The following RHBDL3 variants were observed in gnomAD, a reference collection of about 807,000 sequenced individuals.
The protein encoded by RHBDL3 is rhomboid-related protein 3.
A neutral mutation model predicts 48.2 loss-of-function variants in RHBDL3; 28 were observed. The ratio of observed to expected loss-of-function variants is 0.58; its 90% CI spans 0.43 to 0.80. RHBDL3 has a LOEUF of 0.80. Among genes scored for constraint, RHBDL3 ranks in the 30% least tolerant of loss-of-function variants. The pLI is 0.00. For synonymous variants in RHBDL3, 208 were observed against 232.3 expected, an observed-to-expected ratio of 0.90 and a Z score of 0.95; for missense variants, 464 against 542.7, an observed-to-expected ratio of 0.85 and a Z score of 1.44.
At chr17:32,285,027 G>C (rs1275710991) in intron 3 of RHBDL3, among the ~76,000 whole-genome samples, 1 of 152,164 alleles carries the variant, frequency 6.6e-6, no homozygotes, top group African/African-American at 2.4e-5. Context: ...CCTCAAGGCA[G>C]CACCTGGCAA....
At chr17:32,284,463 G>A in intron 2 of RHBDL3, 196 bp from the exon 3 acceptor site, 1 of 547,958 alleles carries the variant, frequency 1.8e-6, no homozygotes, top group Non-Finnish European at 3.2e-6. Context: ...GGGTGATCCT[G>A]AAGGTCTGCA....
chr17:32,291,903 C>T (rs2040340016), intron 4 of RHBDL3, among the ~76,000 whole-genome samples: 1 of 151,370 alleles, frequency 6.6e-6, no homozygotes, highest in South Asian at 2.1e-4. Flanking sequence ...TCCTGAGTAG[C>T]TGGGGTTACA....
intron 2 of RHBDL3, among the ~76,000 whole-genome samples, chr17:32,274,403 C>G (rs2039846530): frequency 6.6e-6 from 1 of 152,210 alleles, no homozygotes; most frequent in Non-Finnish European, 1.5e-5. Flanking sequence ...GCCCCCATCA[C>G]CATTCCCCAG....
At chr17:32,310,170 C>T (rs1430562502) in intron 7 of RHBDL3, among the ~76,000 whole-genome samples, 1 of 152,210 alleles carries the variant, frequency 6.6e-6, no homozygotes, top group East Asian at 1.9e-4. Context: ...ACACTTCGCT[C>T]TGTATGATTG....
chr17:32,278,851 G>T (rs2039974952), intron 2 of RHBDL3, among the ~76,000 whole-genome samples: 1 of 152,188 alleles, frequency 6.6e-6, no homozygotes, highest in Non-Finnish European at 1.5e-5. Context: ...TCAAGGCTGG[G>T]CAGGGTGGCT....
chr17:32,284,358 T>C, intron 2 of RHBDL3: 1 of 303,298 alleles, frequency 3.3e-6, no homozygotes, highest in Non-Finnish European at 6.2e-6. Flanking sequence ...CCTGCACTCA[T>C]TGCCTTTTCA....
chr17:32,303,772 TGGA>T (rs942740386), intron 6 of RHBDL3, among the ~76,000 whole-genome samples: 4 of 150,818 alleles, frequency 2.7e-5, no homozygotes, highest in Non-Finnish European at 5.9e-5. Context: ...GCAGGGGAGG[TGGA>T]GGAGTTTATC....
chr17:32,302,562 G>C (rs1450117891), intron 6 of RHBDL3, among the ~76,000 whole-genome samples: 1 of 149,370 alleles, frequency 6.7e-6, no homozygotes, highest in Non-Finnish European at 1.5e-5. Flanking sequence ...TTTTTTTTTA[G>C]TAGCAATGGG....
chr17:32,282,496 G>A (rs2040076212), intron 2 of RHBDL3, among the ~76,000 whole-genome samples: 3 of 152,218 alleles, frequency 2.0e-5, no homozygotes, highest in African/African-American at 4.8e-5. Flanking sequence ...AGCCCAGGAG[G>A]TCGAGGCTTC....
At chr17:32,279,157 G>A in intron 2 of RHBDL3, among the ~76,000 whole-genome samples, 1 of 152,130 alleles carries the variant, frequency 6.6e-6, no homozygotes, top group East Asian at 1.9e-4. Flanking sequence ...TAATTAATAT[G>A]CTTGGACAAC....
rs2040683982 is a variant in RHBDL3 at position 32,305,365 on chromosome 17, A to G, written c.806A>G (p.Asp269Gly). 9 of 1,613,596 alleles carry G rather than the reference A, an allele frequency of 5.6e-6. No individual in the cohort carries two copies. In the South Asian group the frequency reaches 7.7e-5, roughly 14 times the overall value. The change falls in exon 7 of 9, where the codon GAC becomes GGC. Residue 269 changes from aspartate to glycine, a missense_variant. Coordinates refer to ENST00000269051, the MANE Select transcript of RHBDL3 (RefSeq NM_138328.3). ...GGGTCCTTGGCAGTGTCTGTGGCTGACATGACCGCTCCAGTCGTGGGCTCT... is the reference window on the plus strand; with the variant it reads ...GGGTCCTTGGCAGTGTCTGTGGCTGGCATGACCGCTCCAGTCGTGGGCTCT... Reference protein sequence around the residue: ...VAGSLAVSVADMTAPVVGSSG... With the variant: ...VAGSLAVSVAGMTAPVVGSSG...
At chr17:32,292,888 GCTTGAGCC>G (rs1432417816) in intron 4 of RHBDL3, among the ~76,000 whole-genome samples, 2 of 150,764 alleles carry the variant, frequency 1.3e-5, no homozygotes, top group Admixed American at 6.6e-5. Context: ...CAGGAAGATC[GCTTGAGCC>G]CAGGAGTTCA....
chr17:32,287,624 C>A, intron 3 of RHBDL3, among the ~76,000 whole-genome samples: 1 of 152,172 alleles, frequency 6.6e-6, no homozygotes, highest in East Asian at 1.9e-4. Context: ...AGCCATCTGC[C>A]CTCTGACAGG....
intron 4 of RHBDL3, among the ~76,000 whole-genome samples, chr17:32,292,178 C>A (rs1476873955): frequency 6.6e-6 from 1 of 152,050 alleles, no homozygotes; most frequent in African/African-American, 2.4e-5. Context: ...AGTTAAATAC[C>A]CTTTTAGAGA....
intron 6 of RHBDL3, among the ~76,000 whole-genome samples, chr17:32,298,775 G>T (rs574493500): frequency 2.6e-4 from 39 of 152,336 alleles, no homozygotes; most frequent in African/African-American, 9.1e-4. Context: ...TGCTGACAGG[G>T]AGTCTGACCT....
chr17:32,321,065 A>G lies in RHBDL3; in HGVS notation c.1051A>G (p.Ile351Val). The G allele has an allele frequency of 1.2e-6, 2 of 1,614,226 alleles. No homozygotes were observed. Among genetic ancestry groups the G allele is most frequent in the African/African-American group, 1.3e-5 (1 of 75,062 alleles). ...VAHLGGVAVG[I>V]TLGVVVLRNY... ...GCACTTGGGTGGCGTGGCCGTGGGC[A>G]TCACCCTGGGCGTGGTGGTCCTGAG... The change falls in exon 9 of 9, where the codon ATC (isoleucine) becomes GTC (valine). Residue 351 changes from isoleucine to valine, a missense_variant. Physicochemically the swap from Ile to Val is conservative, Grantham distance 29. Coordinates refer to ENST00000269051, the MANE Select transcript of RHBDL3 (RefSeq NM_138328.3).
intron 7 of RHBDL3, among the ~76,000 whole-genome samples, chr17:32,311,415 A>G (rs956413201): frequency 9.2e-5 from 14 of 152,152 alleles, no homozygotes; most frequent in Admixed American, 1.3e-4. Context: ...GAGGCAGGTC[A>G]TATTTACTGG....
chr17:32,268,074 A>G (rs1437888801), intron 2 of RHBDL3, 149 bp downstream of exon 2: 5 of 729,934 alleles, frequency 6.8e-6, no homozygotes, highest in Non-Finnish European at 1.3e-5. Flanking sequence ...GGGCTGAACG[A>G]CACTGCTCTC....
chr17:32,309,181 T>A (rs12150479), intron 7 of RHBDL3, among the ~76,000 whole-genome samples: 19 of 19,992 alleles, frequency 9.5e-4, no homozygotes, highest in Admixed American at 1.7e-3. Context: ...AGGTTTGGAG[T>A]GTGTGTGTGT....
Sources: allele counts gnomAD v4.1 joint callset (sites outside exome capture counted in the v4.1 genomes callset), GRCh38; gene constraint gnomAD v4.1.1; transcripts MANE v1.5; gene names NCBI Gene and HGNC (gene_info 2026-07-23, HGNC 2026-07-21).